TSTD1: variants seen among roughly 807,000 people sequenced by gnomAD.
TSTD1 encodes the protein thiosulfate sulfurtransferase like domain containing 1.
TSTD1 carries 7 observed loss-of-function variants against 12.6 expected under a neutral mutation model. That is an observed-to-expected ratio of 0.55 (90% CI 0.32 to 1.04). The LOEUF (loss-of-function observed/expected upper bound fraction) is 1.04, where lower values mean the gene tolerates loss of function less well. TSTD1 is among the 50% of genes least tolerant of loss of function. The probability of loss-of-function intolerance (pLI) is 0.05; values close to 1 mark genes in which losing one functional copy is unlikely to be tolerated. For missense variants in TSTD1, 156 were observed against 151.0 expected (o/e 1.03, Z -0.17); for synonymous variants, 73 against 59.7 (o/e 1.22, Z -1.03).
At chr1:161,038,152 G>A (rs954547792) in intron 2 of TSTD1, 77 bp from the exon 3 acceptor site, 1 of 1,452,316 alleles carries the variant, frequency 6.9e-7, no homozygotes, top group African/African-American at 1.4e-5. Flanking sequence ...GGAAGGGCTG[G>A]GTCCTGGGGG....
rs1404776049 is a variant in TSTD1, at chr1:161,037,743, C to T, written c.*32G>A. 6.4e-7 allele frequency: 1 copy of T among 1,551,614 alleles called. No homozygotes were observed. The highest frequency in any genetic ancestry group is 2.4e-5 in the East Asian group (1 of 40,926). ...TTAGTTAAGGTGGCCATTAAGGGGC[C>T]AGGGGGTGGCAATCAGTAAGCTGCC... On this transcript the variant is annotated 3_prime_UTR_variant, in exon 4 of 4. Transcript: ENST00000423014.
chr1:161,038,336 C>G, intron 2 of TSTD1: 1 of 701,954 alleles, frequency 1.4e-6, no homozygotes, highest in East Asian at 2.8e-5. Flanking sequence ...CCTCTCCTCT[C>G]CGCCTGCTGT....
chr1:161,037,699 A>G lies in TSTD1; in HGVS notation c.*76T>C. ...CTATAAGGAGTTGCCCAATTCACCA[A>G]GTCAGCCCGTTCACACCCTTAGTTA... On this transcript the variant is annotated 3_prime_UTR_variant, in exon 4 of 4. Transcript: ENST00000423014. 1.3e-6 allele frequency: 2 copies of G among 1,495,814 alleles called. No homozygotes were observed. Among genetic ancestry groups the G allele is most frequent in the Non-Finnish European group, 1.8e-6 (2 of 1,097,672 alleles). The allele number at this position is 1,495,814 out of a possible 1,614,324, so 92.7% of individuals were successfully genotyped here.
At chr1:161,037,854 T>C in intron 3 of TSTD1, 28 bp from the exon 4 acceptor site, 4 of 1,551,750 alleles carry the variant, frequency 2.6e-6, no homozygotes, top group Non-Finnish European at 3.5e-6. Context: ...CGTGAGAGAC[T>C]GACAGGAATG....
chr1:161,038,407 CGGAAGCTGA>C, intron 2 of TSTD1, 135 bp downstream of exon 2: 1 of 1,031,506 alleles, frequency 9.7e-7, no homozygotes, highest in Non-Finnish European at 1.4e-6. Context: ...GTCCTTCCTA[CGGAAGCTGA>C]GGGCTGGCTC....
chr1:161,038,928 T>C lies in TSTD1; in HGVS notation c.-39A>G, dbSNP rs1314004364. 6.5e-7 allele frequency: 1 copy of C among 1,548,634 alleles called. No homozygotes were observed. The highest frequency in any genetic ancestry group is 2.5e-5 in the East Asian group (1 of 40,792). On this transcript the variant is annotated 5_prime_UTR_variant, in exon 1 of 4. Coordinates refer to ENST00000423014, the MANE Select transcript of TSTD1 (RefSeq NM_001113207.2). ...ACCGCGAGTCTCCGGAGTGCGGCCC[T>C]GGCCCGCCCTCTCGGCGCCTGCAAC... is the stretch of plus-strand genomic sequence containing the variant.
At position 161,038,011 on chromosome 1, in the gene TSTD1, C is replaced by G. The variant is rs1332135099; in HGVS notation, c.198G>C (p.Glu66Asp). 1.0e-5 allele frequency: 16 copies of G among 1,551,606 alleles called. No homozygotes were observed. The highest frequency in any genetic ancestry group is 1.3e-5 in the Non-Finnish European group (15 of 1,147,022). ...GATGCTCATCTTCCAGCTTTGGCTT[C>G]TCAGCAGAATATAAAGCCTGGAAGG... ...PAAFQALYSA[E>D]KPKLEDEHLV... Residue 66 changes from glutamate (E) to aspartate (D), a missense_variant, in exon 3 of 4, where the codon GAG becomes GAC. Coordinates refer to ENST00000423014, the MANE Select transcript of TSTD1 (RefSeq NM_001113207.2).
chr1:161,037,685 TGCCCAATTCACCAAGTCA>T lies in TSTD1; in HGVS notation c.*72_*89del. 7.4e-7 allele frequency: 1 copy of T among 1,355,382 alleles called. No homozygotes were observed. Among genetic ancestry groups the T allele is most frequent in the South Asian group, 1.3e-5 (1 of 79,170 alleles). The allele number at this position is 1,355,382 out of a possible 1,614,324, so 84.0% of individuals were successfully genotyped here. On this transcript the variant is annotated 3_prime_UTR_variant, in exon 4 of 4. Coordinates refer to ENST00000423014, the MANE Select transcript of TSTD1 (RefSeq NM_001113207.2). ...TTGTGTGCACAACACTATAAGGAGT[TGCCCAATTCACCAAGTCA>T]GCCCGTTCACACCCTTAGTTAAGGT... is the stretch of plus-strand genomic sequence containing the variant.
At chr1:161,038,848 G>C in intron 1 of TSTD1, 32 bp downstream of exon 1, 1 of 1,548,570 alleles carries the variant, frequency 6.5e-7, no homozygotes, top group Non-Finnish European at 8.7e-7. Context: ...AGGACCAAGA[G>C]AACCGCGGCC....
rs1400775512 is a variant in TSTD1 at position 161,038,899 on chromosome 1, A to C, written c.-10T>G. 9.7e-6 allele frequency: 15 copies of C among 1,550,748 alleles called. No homozygotes were observed. The highest frequency in any genetic ancestry group is 2.4e-5 in the East Asian group (1 of 40,856). On this transcript the variant is annotated 5_prime_UTR_variant, in exon 1 of 4. Transcript: ENST00000423014. ...AGGTACCTCCAGCCATGGTGCGCGT[A>C]GCAACCGCGAGTCTCCGGAGTGCGG...
Position 161,038,550 on chromosome 1 carries a change from C to A in TSTD1, c.133+1G>T, listed in dbSNP as rs755475125. 9.1e-6 allele frequency: 14 copies of A among 1,540,632 alleles called. No homozygotes were observed. The South Asian group carries it at 1.6e-4, about 17-fold the overall frequency. ...CTGGGCGTCCCCTCTCCACCCTATA[C>A]CCGGGATGTTGAGCGCCCCTGGGAT... is the stretch of plus-strand genomic sequence containing the variant. On this transcript the variant is annotated splice_donor_variant, in intron 2 of 3. Transcript: ENST00000423014. LOFTEE classifies it high-confidence loss of function.
rs760390652 is a variant in TSTD1, at chr1:161,037,981, A to G, written c.228T>C (p.Val76=). The change falls in exon 3 of 4, where the codon GTT becomes GTC. Residue 76 remains valine, a synonymous_variant. Coordinates refer to ENST00000423014, the MANE Select transcript of TSTD1 (RefSeq NM_001113207.2). ...EKPKLEDEHL[V]FFCQMGKRGL... ...CCCGCTTGCCCATCTGACAGAAGAAAACGAGATGCTCATCTTCCAGCTTTG... is the reference window on the plus strand; with the variant it reads ...CCCGCTTGCCCATCTGACAGAAGAAGACGAGATGCTCATCTTCCAGCTTTG... The G allele has an allele frequency of 1.9e-5, 30 of 1,551,672 alleles. No homozygotes were observed. Among genetic ancestry groups the G allele is most frequent in the Non-Finnish European group, 2.3e-5 (26 of 1,147,012 alleles).
chr1:161,038,752 C>T, intron 1 of TSTD1, 79 bp from the exon 2 acceptor site: 1 of 1,518,446 alleles, frequency 6.6e-7, no homozygotes, highest in Non-Finnish European at 8.9e-7. Flanking sequence ...CACCTGGCAG[C>T]GCCCCTCCCG....
intron 3 of TSTD1, 35 bp downstream of exon 3, chr1:161,037,878 A>G: frequency 6.4e-7 from 1 of 1,551,746 alleles, no homozygotes; most frequent in Non-Finnish European, 8.7e-7. Flanking sequence ...GGCAGTCCCC[A>G]TCACCTCCCA....
intron 1 of TSTD1, 90 bp from the exon 2 acceptor site, chr1:161,038,763 G>A: frequency 6.6e-7 from 1 of 1,519,916 alleles, no homozygotes; most frequent in South Asian, 1.2e-5. Context: ...GCCCCTCCCG[G>A]TAGGGTGTGC....
At position 161,037,711 on chromosome 1, in the gene TSTD1, C is replaced by G; in HGVS notation, c.*64G>C. Reference sequence around the variant, plus strand: ...GCCCAATTCACCAAGTCAGCCCGTTCACACCCTTAGTTAAGGTGGCCATTA... The same window carrying G: ...GCCCAATTCACCAAGTCAGCCCGTTGACACCCTTAGTTAAGGTGGCCATTA... On this transcript the variant is annotated 3_prime_UTR_variant, in exon 4 of 4. Transcript: ENST00000423014. 1.3e-6 allele frequency: 2 copies of G among 1,532,550 alleles called. No individual in the cohort carries two copies. Among genetic ancestry groups the G allele is most frequent in the Non-Finnish European group, 1.8e-6 (2 of 1,130,098 alleles). 94.9% of individuals were successfully genotyped at this position (1,532,550 alleles called of 1,614,324 possible). A position where few individuals can be genotyped will look rare whatever the true frequency, so the allele number is the denominator to read the frequency against.
chr1:161,038,954 A>T lies in TSTD1; in HGVS notation c.-65T>A. The T allele has an allele frequency of 6.5e-7, 1 of 1,547,368 alleles. No homozygotes were observed. Among genetic ancestry groups the T allele is most frequent in the Non-Finnish European group, 8.7e-7 (1 of 1,143,926 alleles). On this transcript the variant is annotated 5_prime_UTR_variant, in exon 1 of 4. It removes an upstream start codon present in the reference 5' UTR. Coordinates refer to ENST00000423014, the MANE Select transcript of TSTD1 (RefSeq NM_001113207.2). Reference sequence around the variant, plus strand: ...GGCCCGCCCTCTCGGCGCCTGCAACATCTCCCGTTCCCTCCCAGAGCTGAG... The same window carrying T: ...GGCCCGCCCTCTCGGCGCCTGCAACTTCTCCCGTTCCCTCCCAGAGCTGAG...
intron 2 of TSTD1, chr1:161,038,310 G>A: frequency 2.9e-6 from 2 of 678,536 alleles, no homozygotes; most frequent in Non-Finnish European, 4.9e-6. Context: ...GGGAGGTCAA[G>A]AGAAGCTGGT....
chr1:161,037,896 G>A lies in TSTD1; in HGVS notation c.296+17C>T. 6.4e-7 allele frequency: 1 copy of A among 1,551,804 alleles called. No homozygotes were observed. The highest frequency in any genetic ancestry group is 8.7e-7 in the Non-Finnish European group (1 of 1,147,026). On this transcript the variant is annotated intron_variant, in intron 3 of 3. Coordinates refer to ENST00000423014, the MANE Select transcript of TSTD1 (RefSeq NM_001113207.2). ...AGTCCCCATCACCTCCCAGCTAGCA[G>A]CCACACCTCCCCGTACCCAGTGTAT...
Sources: allele counts gnomAD v4.1 joint callset, GRCh38; gene constraint gnomAD v4.1.1; transcripts MANE v1.5; gene names NCBI Gene and HGNC (gene_info 2026-07-23, HGNC 2026-07-21).